The following TRMT11 variants were observed in gnomAD, a reference collection of about 807,000 sequenced individuals.
The protein encoded by TRMT11 is tRNA (guanine(10)-N(2))-methyltransferase TRMT11.
TRMT11 carries 53 observed loss-of-function variants against 62.8 expected under a neutral mutation model. The observed-to-expected ratio is 0.84, with a 90% CI of 0.68 to 1.06. The LOEUF is 1.06. Among genes scored for constraint, TRMT11 ranks in the 50% least tolerant of loss-of-function variants. The pLI is 0.00. For missense variants in TRMT11, 556 were observed against 553.4 expected, an observed-to-expected ratio of 1.00 and a Z score of -0.05; for synonymous variants, 188 against 190.3, an observed-to-expected ratio of 0.99 and a Z score of 0.10.
intron 21 of TRMT11, among the ~76,000 whole-genome samples, chr6:126,134,154 A>G (rs545354585): frequency 2.8e-4 from 42 of 152,098 alleles, no homozygotes; most frequent in African/African-American, 8.9e-4. Flanking sequence ...TAATGTATAA[A>G]TAATAACATT....
chr6:126,244,373 G>A, the TRMT11 span, among the ~76,000 whole-genome samples: 4 of 152,078 alleles, frequency 2.6e-5, no homozygotes, highest in Non-Finnish European at 5.9e-5. Flanking sequence ...TAAACACACA[G>A]GTCAATAAGT....
chr6:126,261,386 A>C, the TRMT11 span, among the ~76,000 whole-genome samples: 1 of 152,096 alleles, frequency 6.6e-6, no homozygotes, highest in Non-Finnish European at 1.5e-5. Context: ...AGTTTTATTA[A>C]GATCATTAAT....
chr6:125,988,536 G>C (rs1166354349), intron 1 of TRMT11, among the ~76,000 whole-genome samples: 1 of 152,146 alleles, frequency 6.6e-6, no homozygotes, highest in Non-Finnish European at 1.5e-5. Context: ...AGGAAAGTTA[G>C]GGTGGGTGTG....
chr6:126,207,202 T>C (rs1247779726), downstream of TRMT11, among the ~76,000 whole-genome samples: 1 of 152,156 alleles, frequency 6.6e-6, no homozygotes, highest in Non-Finnish European at 1.5e-5. Flanking sequence ...CAGTCTAAGA[T>C]GATTTAGTCC....
At chr6:126,020,758 A>T (rs899328118) in intron 11 of TRMT11, among the ~76,000 whole-genome samples, 1 of 152,336 alleles carries the variant, frequency 6.6e-6, no homozygotes, top group South Asian at 2.1e-4. Context: ...GCTGTAGTGG[A>T]TTATACACTT....
chr6:126,177,931 C>T lies in TRMT11; in HGVS notation n.143+596C>T, dbSNP rs541726379. On this transcript the variant is annotated intron_variant and non_coding_transcript_variant, in intron 1 of 3. Transcript: ENST00000444229. ...CCCTTTCCCTTAAGCCCTCTGGCTG[C>T]CTCCTCCCACAACTGGTTGTTCCCT... 2.0e-5 allele frequency among the ~76,000 whole-genome samples: 3 copies of T among 152,238 alleles called. No homozygotes were observed. In the South Asian group the frequency reaches 6.2e-4, roughly 32 times the overall value.
chr6:126,176,680 G>A (rs1157264353), upstream of TRMT11, among the ~76,000 whole-genome samples: 1 of 152,078 alleles, frequency 6.6e-6, no homozygotes, highest in African/African-American at 2.4e-5. Context: ...TCTAGCTGAT[G>A]GATCACTTTA....
At chr6:126,101,990 C>G (rs1045932575) in intron 17 of TRMT11, among the ~76,000 whole-genome samples, 1 of 152,156 alleles carries the variant, frequency 6.6e-6, no homozygotes, top group Non-Finnish European at 1.5e-5. Flanking sequence ...ATCAGCTAAC[C>G]AGAAGACTCA....
chr6:126,182,156 G>T (rs9491573), intron 1 of TRMT11, among the ~76,000 whole-genome samples: 12,927 of 152,158 alleles, frequency 0.085, 1,813 homozygotes, highest in African/African-American at 0.29. Flanking sequence ...GTGCACAGGT[G>T]CATCAAAGCA....
At chr6:126,129,968 A>G (rs1377157538) in intron 21 of TRMT11, among the ~76,000 whole-genome samples, 2 of 152,060 alleles carry the variant, frequency 1.3e-5, no homozygotes, top group Non-Finnish European at 2.9e-5. Context: ...CATAGAACTC[A>G]TTAGTACAAT....
At chr6:126,097,457 AAAG>A (rs1296619037) in intron 17 of TRMT11, among the ~76,000 whole-genome samples, 9 of 152,332 alleles carry the variant, frequency 5.9e-5, no homozygotes, top group Admixed American at 2.0e-4. Context: ...GCTGATGAAT[AAAG>A]GGAGCATTTT....
chr6:126,204,602 TTAGGTCTTGATTCCA>T (rs1778772508), downstream of TRMT11, among the ~76,000 whole-genome samples: 1 of 152,194 alleles, frequency 6.6e-6, no homozygotes, highest in African/African-American at 2.4e-5. Context: ...TTCCCCTCTA[TTAGGTCTTGATTCCA>T]TAGGTCAATT....
At chr6:126,114,179 T>C (rs757053909) in intron 18 of TRMT11, among the ~76,000 whole-genome samples, 3 of 152,122 alleles carry the variant, frequency 2.0e-5, no homozygotes, top group Non-Finnish European at 4.4e-5. Flanking sequence ...CAGATGTATG[T>C]AGACTGAGTT....
At chr6:126,130,719 C>A (rs1777772193) in intron 21 of TRMT11, among the ~76,000 whole-genome samples, 1 of 152,082 alleles carries the variant, frequency 6.6e-6, no homozygotes, top group African/African-American at 2.4e-5. Flanking sequence ...TTTACCACAA[C>A]CTCCCAGCAA....
intron 19 of TRMT11, among the ~76,000 whole-genome samples, chr6:126,114,803 A>G (rs1187866986): frequency 6.6e-6 from 1 of 152,060 alleles, no homozygotes; most frequent in Non-Finnish European, 1.5e-5. Context: ...TCTCTCAGCT[A>G]TATTACATCA....
At chr6:126,245,564 G>T in the TRMT11 span, among the ~76,000 whole-genome samples, 1 of 152,242 alleles carries the variant, frequency 6.6e-6, no homozygotes, top group African/African-American at 2.4e-5. Context: ...CAGATGGATT[G>T]AATCTGCACT....
chr6:126,009,823 A>T (rs1484834960), intron 8 of TRMT11, among the ~76,000 whole-genome samples: 1 of 152,022 alleles, frequency 6.6e-6, no homozygotes, highest in Non-Finnish European at 1.5e-5. Flanking sequence ...AAATTGTCTT[A>T]TATAATTTAC....
intron 17 of TRMT11, among the ~76,000 whole-genome samples, chr6:126,093,483 CTTA>C (rs1777297616): frequency 6.7e-6 from 1 of 148,552 alleles, no homozygotes; most frequent in Non-Finnish European, 1.5e-5. Context: ...TAACTGCTTT[CTTA>C]TTATGATTAT....
At chr6:125,989,034 A>C (rs1288373572) in intron 1 of TRMT11, among the ~76,000 whole-genome samples, 2 of 149,428 alleles carry the variant, frequency 1.3e-5, no homozygotes, top group Non-Finnish European at 3.0e-5. Flanking sequence ...AGGCTTGGGG[A>C]GGGAGGTTGA....
Sources: allele counts gnomAD v4.1 joint callset (sites outside exome capture counted in the v4.1 genomes callset), GRCh38; gene constraint gnomAD v4.1.1; transcripts MANE v1.5; gene names NCBI Gene and HGNC (gene_info 2026-07-23, HGNC 2026-07-21).